LMBRD2: variants seen among roughly 807,000 people sequenced by gnomAD.
The protein encoded by LMBRD2 is G protein-coupled receptor-associated protein LMBRD2.
Under a neutral mutation model 94.4 loss-of-function variants are expected in LMBRD2, and 55 were observed. That is an observed-to-expected ratio of 0.58 (90% CI 0.47 to 0.73). The LOEUF is 0.73. Ranked by LOEUF, LMBRD2 falls within the 30% of genes least tolerant of loss-of-function variation. The probability of loss-of-function intolerance (pLI) is 0.00; values close to 1 mark genes in which losing one functional copy is unlikely to be tolerated. For synonymous variants in LMBRD2, 246 were observed against 272.4 expected (o/e 0.90, Z 0.95); for missense variants, 640 against 831.9 (o/e 0.77, Z 2.84).
intron 1 of LMBRD2, among the ~76,000 whole-genome samples, chr5:36,146,023 G>T (rs1416851980): frequency 2.6e-5 from 4 of 152,182 alleles, no homozygotes; most frequent in African/African-American, 9.7e-5. Flanking sequence ...CCTGACACTA[G>T]CTATTAATTT....
chr5:36,124,664 C>T (rs1175230494), intron 6 of LMBRD2, among the ~76,000 whole-genome samples: 1 of 152,150 alleles, frequency 6.6e-6, no homozygotes, highest in Non-Finnish European at 1.5e-5. Flanking sequence ...GCAGAAAAGG[C>T]TACAAATGTC....
At position 36,111,168 on chromosome 5, in the gene LMBRD2, T is replaced by C. The variant is rs1307966578; in HGVS notation, c.1731A>G (p.Glu577=). ...MTSDLVNEGK[E]LIRKEKRKRQ... ...GACAAATCTTACCTTTTCTGATTAA[T>C]TCTTTTCCTTCATTAACTAAGTCTG... The change falls in exon 14 of 18, where the codon GAA becomes GAG. Residue 577 remains glutamate (E), a synonymous_variant. Transcript: ENST00000296603. 2 of 1,598,026 alleles carry C rather than the reference T, an allele frequency of 1.3e-6. No individual in the cohort carries two copies. Among genetic ancestry groups the C allele is most frequent in the Admixed American group, 3.4e-5 (2 of 59,386 alleles).
chr5:36,132,536 G>A (rs1744178066), intron 6 of LMBRD2, among the ~76,000 whole-genome samples: 1 of 151,316 alleles, frequency 6.6e-6, no homozygotes, highest in South Asian at 2.1e-4. Context: ...CACAGAATAG[G>A]AGAAAATATT....
At chr5:36,143,613 T>A (rs1744469511) in intron 1 of LMBRD2, among the ~76,000 whole-genome samples, 1 of 152,224 alleles carries the variant, frequency 6.6e-6, no homozygotes, top group Non-Finnish European at 1.5e-5. Flanking sequence ...TTAAAAAATT[T>A]CACGTACCTT....
In LMBRD2 at chr5:36,143,397, T is replaced by C. The variant is rs1474566997; in HGVS notation, c.-48A>G. The C allele has an allele frequency of 7.0e-7, 1 of 1,423,862 alleles. No individual in the cohort carries two copies. Among genetic ancestry groups the C allele is most frequent in the South Asian group, 1.3e-5 (1 of 75,558 alleles). 88.2% of individuals were successfully genotyped at this position (1,423,862 alleles called of 1,614,324 possible). ...AACCAAAGTTATTCATGTACAGGTC[T>C]GGACCATATCTATAAAGTAAAAAGA... On this transcript the variant is annotated 5_prime_UTR_variant, in exon 2 of 18. Coordinates refer to ENST00000296603, the MANE Select transcript of LMBRD2 (RefSeq NM_001007527.2).
rs1006215053 is a variant in LMBRD2 at position 36,103,942 on chromosome 5, C to T, written c.*104G>A. The T allele has an allele frequency of 5.7e-5, 42 of 735,934 alleles. No homozygotes were observed. Among genetic ancestry groups the T allele is most frequent in the South Asian group, 3.5e-4 (20 of 57,430 alleles). The allele number at this position is 735,934 out of a possible 1,614,324, so 45.6% of individuals were successfully genotyped here. On this transcript the variant is annotated 3_prime_UTR_variant, in exon 18 of 18. Coordinates refer to ENST00000296603, the MANE Select transcript of LMBRD2 (RefSeq NM_001007527.2). Reference sequence around the variant, plus strand: ...CTCAGTGCCTTTTTTGTTATCTTGACACTTTTCACTGTGTATAGAGGAAAT... The same window carrying T: ...CTCAGTGCCTTTTTTGTTATCTTGATACTTTTCACTGTGTATAGAGGAAAT...
intron 6 of LMBRD2, among the ~76,000 whole-genome samples, chr5:36,129,294 C>G (rs1744079064): frequency 6.6e-6 from 1 of 152,002 alleles, no homozygotes; most frequent in South Asian, 2.1e-4. Context: ...TCAAATAAGA[C>G]TATCTCAAGA....
intron 13 of LMBRD2, among the ~76,000 whole-genome samples, chr5:36,112,036 G>A (rs922686405): frequency 1.7e-4 from 25 of 150,734 alleles, no homozygotes; most frequent in African/African-American, 6.2e-4. Flanking sequence ...AGGAAGAGGA[G>A]GAGAAAGTGG....
intron 9 of LMBRD2, among the ~76,000 whole-genome samples, chr5:36,120,945 G>A (rs1743875627): frequency 6.6e-6 from 1 of 151,842 alleles, no homozygotes; most frequent in Non-Finnish European, 1.5e-5. Context: ...CTAAATTCTG[G>A]AGTGCCTCAG....
intron 13 of LMBRD2, among the ~76,000 whole-genome samples, chr5:36,111,881 C>A (rs1743615356): frequency 6.6e-6 from 1 of 151,890 alleles, no homozygotes; most frequent in Non-Finnish European, 1.5e-5. Context: ...AGAAAACAGG[C>A]CTAAGGGGTT....
At chr5:36,121,954 C>A (rs1311839651) in intron 9 of LMBRD2, among the ~76,000 whole-genome samples, 8 of 152,008 alleles carry the variant, frequency 5.3e-5, no homozygotes, top group Non-Finnish European at 8.8e-5. Context: ...GATGAAATTG[C>A]CTAACAATAC....
At chr5:36,110,067 C>G in intron 14 of LMBRD2, 76 bp from the exon 15 acceptor site, 1 of 1,058,494 alleles carries the variant, frequency 9.4e-7, no homozygotes, top group South Asian at 1.3e-5. Context: ...GTAAAGATAG[C>G]GGGCAATGAC....
At chr5:36,131,303 C>G (rs1374824594) in intron 6 of LMBRD2, among the ~76,000 whole-genome samples, 1 of 151,968 alleles carries the variant, frequency 6.6e-6, no homozygotes, top group African/African-American at 2.4e-5. Flanking sequence ...GATAAAAACC[C>G]TAAAAAACCC....
chr5:36,144,137 G>A (rs1357429496), intron 1 of LMBRD2, among the ~76,000 whole-genome samples: 3 of 152,070 alleles, frequency 2.0e-5, no homozygotes, highest in East Asian at 3.9e-4. Flanking sequence ...TTAATTTTAT[G>A]ATACAGTCAT....
At chr5:36,111,338 C>A in intron 13 of LMBRD2, 80 bp from the exon 14 acceptor site, 1 of 946,502 alleles carries the variant, frequency 1.1e-6, no homozygotes, top group South Asian at 1.4e-5. Flanking sequence ...TTAGCATTGT[C>A]ACTCCAAAAG....
At position 36,104,082 on chromosome 5, in the gene LMBRD2, G is replaced by A. The variant is rs1300517393; in HGVS notation, c.2052C>T (p.Leu684=). The A allele has an allele frequency of 1.2e-6, 2 of 1,610,702 alleles. No individual in the cohort carries two copies. Among genetic ancestry groups the A allele is most frequent in the Admixed American group, 3.3e-5 (2 of 59,796 alleles). Residue 684 remains leucine (L), a synonymous_variant, in exon 18 of 18, where the codon CTC becomes CTT. Coordinates refer to ENST00000296603, the MANE Select transcript of LMBRD2 (RefSeq NM_001007527.2). ...SGRYQPGGRY[L]SMSRSDIFND... is the part of the protein sequence containing the mutation. The stretch of plus-strand genomic sequence containing the variant: ...TAAATATGTCACTGCGAGACATCGA[G>A]AGATATCGTCCACCAGGCTGATACC...
Position 36,143,258 on chromosome 5 carries a change from T to C in LMBRD2, c.92A>G (p.His31Arg). The C allele has an allele frequency of 6.2e-7, 1 of 1,612,708 alleles. No individual in the cohort carries two copies. The highest frequency in any genetic ancestry group is 1.1e-5 in the South Asian group (1 of 91,048). ...CAGTGTTCCAATAATCACAAGTCTA[T>C]GCTGTTTCTTAAAGTCTCCATATCG... is the stretch of plus-strand genomic sequence containing the variant. ...LHRYGDFKKQ[H>R]RLVIIGTLLA... The change falls in exon 2 of 18, where the codon CAT (histidine) becomes CGT (arginine). Residue 31 changes from histidine (H) to arginine (R), a missense_variant. His to Arg is a conservative substitution (Grantham distance 29). Transcript: ENST00000296603.
intron 11 of LMBRD2, 80 bp from the exon 12 acceptor site, chr5:36,115,200 A>T: frequency 1.3e-6 from 1 of 770,176 alleles, no homozygotes; most frequent in Non-Finnish European, 2.1e-6. Context: ...ATGTATTAAA[A>T]ACATTTCAGA....
In LMBRD2 at chr5:36,142,569, C is replaced by T. The variant is rs1281274654; in HGVS notation, c.205G>A (p.Ala69Thr). 5 of 1,610,424 alleles carry T rather than the reference C, an allele frequency of 3.1e-6. No individual in the cohort carries two copies. The East Asian group carries it at 1.1e-4, about 36-fold the overall frequency. Reference protein sequence around the residue: ...TIYNRCKHAAANSSPPENSNI... With the variant: ...TIYNRCKHAATNSSPPENSNI... The stretch of plus-strand genomic sequence containing the variant: ...CTATTCTCAGGAGGGCTTGAATTTG[C>T]AGCAGCATGCTTGCACCGGTTGTAT... The change falls in exon 3 of 18, where the codon GCA becomes ACA. Residue 69 changes from alanine to threonine, a missense_variant. Ala to Thr is a moderately conservative substitution (Grantham distance 58). Transcript: ENST00000296603.
Sources: gnomAD v4.1 joint callset for allele counts (sites outside exome capture counted in the v4.1 genomes callset) on GRCh38, gnomAD v4.1.1 for gene constraint, MANE v1.5 for transcripts, NCBI Gene and HGNC (gene_info 2026-07-23, HGNC 2026-07-21) for gene names.